Variants in PAQR5 observed in about 807,000 individuals in gnomAD.
The protein encoded by PAQR5 is membrane progestin receptor gamma.
Under a neutral mutation model 34.5 loss-of-function variants are expected in PAQR5, and 20 were observed. That is an observed-to-expected ratio of 0.58 (90% confidence interval 0.41 to 0.84). PAQR5 has a LOEUF of 0.84. PAQR5 is among the 40% of genes least tolerant of loss of function. The probability of loss-of-function intolerance (pLI) is 0.00; values close to 1 mark genes in which losing one functional copy is unlikely to be tolerated. For missense variants in PAQR5, 378 were observed against 412.7 expected (o/e 0.92, Z 0.73); for synonymous variants, 131 against 155.6 (o/e 0.84, Z 1.18).
At chr15:69,362,230 A>G (rs980906957) in intron 3 of PAQR5, among the ~76,000 whole-genome samples, 5 of 152,150 alleles carry the variant, frequency 3.3e-5, no homozygotes, top group Non-Finnish European at 5.9e-5. Context: ...GAGGATGATG[A>G]TATCTTTAGT....
chr15:69,383,389 G>T (rs2055980455), intron 4 of PAQR5, among the ~76,000 whole-genome samples: 1 of 106,914 alleles, frequency 9.4e-6, no homozygotes, highest in Non-Finnish European at 2.0e-5. Context: ...GAGGGTGACT[G>T]GCCCTCTGTG....
intron 3 of PAQR5, among the ~76,000 whole-genome samples, chr15:69,377,093 G>A (rs1042368898): frequency 2.6e-5 from 4 of 152,192 alleles, no homozygotes; most frequent in African/African-American, 9.7e-5. Flanking sequence ...TGGTTTATAG[G>A]ATCTGCTAGT....
At chr15:69,334,215 A>C (rs2140687462) in intron 1 of PAQR5, among the ~76,000 whole-genome samples, 1 of 152,152 alleles carries the variant, frequency 6.6e-6, no homozygotes, top group East Asian at 1.9e-4. Flanking sequence ...TTTTTAGTAG[A>C]GATGGGGTTT....
chr15:69,322,756 A>ACG (rs1566997835), intron 1 of PAQR5, among the ~76,000 whole-genome samples: 1,096 of 45,866 alleles, frequency 0.024, 253 homozygotes, highest in Non-Finnish European at 0.029. Context: ...GAAGAAGAAG[A>ACG]AGAAGAAGAA....
At chr15:69,389,185 T>C (rs2056189651) in intron 5 of PAQR5, among the ~76,000 whole-genome samples, 1 of 152,140 alleles carries the variant, frequency 6.6e-6, no homozygotes, top group African/African-American at 2.4e-5. Flanking sequence ...AGGTGAGATG[T>C]GCACACTCTG....
chr15:69,352,411 C>T (rs542528939), intron 2 of PAQR5, among the ~76,000 whole-genome samples: 4 of 152,330 alleles, frequency 2.6e-5, no homozygotes, highest in South Asian at 2.1e-4. Context: ...GTGGTTTATA[C>T]GTGATCAGGC....
intron 5 of PAQR5, among the ~76,000 whole-genome samples, chr15:69,387,484 T>A (rs2056144632): frequency 6.6e-6 from 1 of 152,238 alleles, no homozygotes; most frequent in Non-Finnish European, 1.5e-5. Flanking sequence ...GTTCTGATGA[T>A]TAAATGTGTT....
At chr15:69,359,126 G>C (rs1018329192) in intron 2 of PAQR5, among the ~76,000 whole-genome samples, 1 of 152,098 alleles carries the variant, frequency 6.6e-6, no homozygotes, top group Non-Finnish European at 1.5e-5. Context: ...ATGGTGGAAG[G>C]GGCGAACAAG....
intron 8 of PAQR5, among the ~76,000 whole-genome samples, chr15:69,401,209 G>A (rs371343361): frequency 1.3e-5 from 2 of 152,138 alleles, no homozygotes; most frequent in South Asian, 2.1e-4. Context: ...AGACTTTGGG[G>A]TGAGAGTTCC....
intron 2 of PAQR5, among the ~76,000 whole-genome samples, chr15:69,358,595 G>A (rs1476077122): frequency 6.7e-6 from 1 of 149,058 alleles, no homozygotes; most frequent in Non-Finnish European, 1.5e-5. Flanking sequence ...GAGAAGACTG[G>A]GTGACCTCTA....
intron 3 of PAQR5, among the ~76,000 whole-genome samples, chr15:69,372,789 C>T (rs2055598840): frequency 6.6e-6 from 1 of 152,110 alleles, no homozygotes; most frequent in Admixed American, 6.6e-5. Context: ...CAATTCAAAC[C>T]ACATGCCACC....
intron 2 of PAQR5, among the ~76,000 whole-genome samples, chr15:69,354,575 CT>C (rs2140809196): frequency 6.6e-6 from 1 of 152,202 alleles, no homozygotes; most frequent in African/African-American, 2.4e-5. Context: ...GCAGAACTAT[CT>C]TATTGTTATT....
In PAQR5 at chr15:69,378,264, TAAAAAA is replaced by T. The variant is rs71149912; in HGVS notation, c.52-1598_52-1593del. On this transcript the variant is annotated intron_variant, in intron 3 of 8. Transcript: ENST00000395407. ...TGGGCAACAAAATGAGACTCCATCT[TAAAAAA>T]AAAAAAAAAAAAAAAAAAAATTAGC... is the stretch of plus-strand genomic sequence containing the variant. Among the ~76,000 whole-genome samples, 244 of 59,690 alleles carry T rather than the reference TAAAAAA, an allele frequency of 4.1e-3. 4 individuals carry two copies. The highest frequency in any genetic ancestry group is 0.02 in the African/African-American group (233 of 11,860). 39.2% of individuals were successfully genotyped at this position (59,690 alleles called of 152,430 possible).
intron 3 of PAQR5, among the ~76,000 whole-genome samples, chr15:69,360,615 G>A (rs966324239): frequency 6.6e-6 from 1 of 152,114 alleles, no homozygotes; most frequent in African/African-American, 2.4e-5. Context: ...TGGACCCATG[G>A]GCCTGGGAGC....
chr15:69,383,456 TC>T (rs1213701395), intron 4 of PAQR5, among the ~76,000 whole-genome samples: 23 of 139,094 alleles, frequency 1.7e-4, no homozygotes, highest in African/African-American at 6.4e-4. Flanking sequence ...GAGCGGGCCC[TC>T]TGTGCTCATG....
intron 4 of PAQR5, among the ~76,000 whole-genome samples, chr15:69,384,408 AGCGGGCCCTCCGTGTTCATGGTGGAGG>A (rs2056041427): frequency 1.1e-5 from 1 of 93,670 alleles, no homozygotes; most frequent in African/African-American, 4.2e-5. Context: ...GTGGAGGGTG[AGCGGGCCCTCCGTGTTCATGGTGGAGG>A]GTGAGCGGGC....
intron 1 of PAQR5, among the ~76,000 whole-genome samples, chr15:69,328,826 A>G (rs367754430): frequency 1.9e-4 from 29 of 152,114 alleles, no homozygotes; most frequent in African/African-American, 6.8e-4. Context: ...TGCGGACTTT[A>G]CCCAAGTCAG....
Position 69,380,024 on chromosome 15 carries a change from C to T in PAQR5, c.179+14C>T, listed in dbSNP as rs1275458621. 3 of 1,613,536 alleles carry T rather than the reference C, an allele frequency of 1.9e-6. No homozygotes were observed. The highest frequency in any genetic ancestry group is 2.5e-6 in the Non-Finnish European group (3 of 1,179,754). On this transcript the variant is annotated intron_variant, in intron 4 of 8. Transcript: ENST00000395407. The stretch of plus-strand genomic sequence containing the variant: ...GCTGCCCTTCTGGTACCTTCTGGCC[C>T]CCTCGACCGGCCTGTCTCCTTCAGG...
At chr15:69,300,167 C>A (rs1393717162) in intron 1 of PAQR5, among the ~76,000 whole-genome samples, 1 of 152,068 alleles carries the variant, frequency 6.6e-6, no homozygotes, top group Non-Finnish European at 1.5e-5. Flanking sequence ...TAGGTTCTGC[C>A]TGTGAAAGAG....
Sources: allele counts gnomAD v4.1 joint callset (sites outside exome capture counted in the v4.1 genomes callset), GRCh38; gene constraint gnomAD v4.1.1; transcripts MANE v1.5; gene names NCBI Gene and HGNC (gene_info 2026-07-23, HGNC 2026-07-21).